TRIM36: variants seen among roughly 807,000 people sequenced by gnomAD.
The protein encoded by TRIM36 is tripartite motif containing 36, also known as E3 ubiquitin-protein ligase TRIM36.
A neutral mutation model predicts 72.4 loss-of-function variants in TRIM36; 42 were observed. The ratio of observed to expected loss-of-function variants is 0.58; its 90% CI spans 0.45 to 0.75. The LOEUF is 0.75. TRIM36 is among the 30% of genes least tolerant of loss of function. TRIM36 has a pLI of 0.00. For missense variants in TRIM36, 913 were observed against 857.1 expected (o/e 1.07, Z -0.81); for synonymous variants, 315 against 282.8 (o/e 1.11, Z -1.14).
chr5:115,154,533 G>T (rs548329536), intron 2 of TRIM36, among the ~76,000 whole-genome samples: 1 of 152,176 alleles, frequency 6.6e-6, no homozygotes, highest in Non-Finnish European at 1.5e-5. Flanking sequence ...AAATACAAAA[G>T]ATCATTCAAG....
At chr5:115,163,792 G>T in intron 1 of TRIM36, 40 bp from the exon 2 acceptor site, 2 of 1,482,598 alleles carry the variant, frequency 1.3e-6, no homozygotes, top group East Asian at 2.3e-5. Context: ...CTCTTAGTGG[G>T]TAAATATATT....
chr5:115,153,514 T>C lies in TRIM36; in HGVS notation c.263-6120A>G, dbSNP rs114269929. On this transcript the variant is annotated intron_variant, in intron 2 of 9. Coordinates refer to ENST00000513154, the MANE Select transcript of TRIM36 (RefSeq NM_001300759.2). The stretch of plus-strand genomic sequence containing the variant: ...AAGCCAACAAAGAAACAATGAATTT[T>C]TTTTTCTTTGAGATGGAGTCATGCT... Among the ~76,000 whole-genome samples, 190 of 152,248 alleles carry C rather than the reference T, an allele frequency of 1.2e-3. 1 individual carries two copies. Among genetic ancestry groups the C allele is most frequent in the African/African-American group, 4.4e-3 (182 of 41,554 alleles).
intron 3 of TRIM36, among the ~76,000 whole-genome samples, chr5:115,146,449 A>G (rs1253704678): frequency 6.6e-6 from 1 of 152,226 alleles, no homozygotes; most frequent in East Asian, 1.9e-4. Context: ...AGAAGGGAAG[A>G]TATCAAAAGA....
At chr5:115,167,438 T>C (rs1754845115) in intron 1 of TRIM36, among the ~76,000 whole-genome samples, 1 of 152,244 alleles carries the variant, frequency 6.6e-6, no homozygotes, top group African/African-American at 2.4e-5. Flanking sequence ...TTCTACTCCA[T>C]GGTAAGGCTG....
chr5:115,130,490 C>G (rs553223198), intron 9 of TRIM36, 102 bp downstream of exon 9: 3 of 1,346,950 alleles, frequency 2.2e-6, no homozygotes, highest in Non-Finnish European at 3.0e-6. Flanking sequence ...ATACTAGAAT[C>G]TAAGAAATAA....
chr5:115,162,986 T>G (rs1460502027), intron 2 of TRIM36, among the ~76,000 whole-genome samples: 2 of 151,892 alleles, frequency 1.3e-5, no homozygotes, highest in Non-Finnish European at 2.9e-5. Flanking sequence ...AGACAGAGTT[T>G]CACTCTTGTT....
intron 1 of TRIM36, among the ~76,000 whole-genome samples, chr5:115,176,815 A>C (rs1755361569): frequency 6.6e-6 from 1 of 152,232 alleles, no homozygotes; most frequent in South Asian, 2.1e-4. Context: ...TTAGCTGCAA[A>C]AGAAGCGAAA....
At chr5:115,166,237 AG>A in intron 1 of TRIM36, among the ~76,000 whole-genome samples, 1 of 152,182 alleles carries the variant, frequency 6.6e-6, no homozygotes, top group South Asian at 2.1e-4. Context: ...TGAATTTTCC[AG>A]GCCCACCCAT....
chr5:115,173,521 A>G (rs1755207641), upstream of TRIM36, among the ~76,000 whole-genome samples: 1 of 141,902 alleles, frequency 7.0e-6, no homozygotes, highest in African/African-American at 3.0e-5. Flanking sequence ...TGTGTATTTG[A>G]ATGTGTGTGT....
chr5:115,143,723 C>T (rs1454369751), intron 4 of TRIM36, among the ~76,000 whole-genome samples: 1 of 151,970 alleles, frequency 6.6e-6, no homozygotes, highest in Admixed American at 6.6e-5. Flanking sequence ...GTAGTAGGTA[C>T]ATAGATGATT....
chr5:115,169,842 T>A lies in TRIM36; in HGVS notation c.-208A>T. The A allele has an allele frequency of 1.5e-6, 2 of 1,313,262 alleles. No individual in the cohort carries two copies. Among genetic ancestry groups the A allele is most frequent in the Non-Finnish European group, 1.9e-6 (2 of 1,029,192 alleles). 81.4% of individuals were successfully genotyped at this position (1,313,262 alleles called of 1,614,324 possible). On this transcript the variant is annotated 5_prime_UTR_variant, in exon 1 of 10. Coordinates refer to ENST00000513154, the MANE Select transcript of TRIM36 (RefSeq NM_001300759.2). ...GCACAGGCGCGGGAGAAGCGAGCTT[T>A]GCTCCCAGCGACTACCCCGGGAATC...
intron 9 of TRIM36, among the ~76,000 whole-genome samples, chr5:115,129,506 C>T (rs895250949): frequency 5.9e-5 from 9 of 152,064 alleles, no homozygotes; most frequent in Admixed American, 3.3e-4. Context: ...TGCGGTGAGC[C>T]AAGATCGCGC....
chr5:115,135,036 C>G (rs918709242), intron 7 of TRIM36, among the ~76,000 whole-genome samples: 14 of 148,116 alleles, frequency 9.5e-5, no homozygotes, highest in Non-Finnish European at 1.4e-4. Context: ...TATTTTCCCC[C>G]TCAATGGTAT....
intron 2 of TRIM36, 69 bp downstream of exon 2, chr5:115,163,449 A>G: frequency 7.5e-7 from 1 of 1,337,390 alleles, no homozygotes; most frequent in Non-Finnish European, 1.1e-6. Flanking sequence ...TTTTCCTTCC[A>G]GTTACCACTG....
chr5:115,164,156 GA>G (rs1754636489), intron 1 of TRIM36, among the ~76,000 whole-genome samples: 1 of 152,082 alleles, frequency 6.6e-6, no homozygotes, highest in South Asian at 2.1e-4. Flanking sequence ...CTTATTTAGT[GA>G]ATTAACACTG....
intron 1 of TRIM36, chr5:115,169,015 T>A (rs1015888605): frequency 6.6e-6 from 1 of 152,280 alleles, no homozygotes; most frequent in African/African-American, 2.4e-5. Context: ...ACAAACTGAT[T>A]AAGTGTGATG....
chr5:115,155,449 C>G (rs1754124450), intron 2 of TRIM36, among the ~76,000 whole-genome samples: 2 of 152,122 alleles, frequency 1.3e-5, no homozygotes, highest in South Asian at 2.1e-4. Flanking sequence ...AACAACATAT[C>G]AAAAAGATAA....
intron 9 of TRIM36, 44 bp downstream of exon 9, chr5:115,130,548 A>G (rs975571659): frequency 6.4e-7 from 1 of 1,551,908 alleles, no homozygotes; most frequent in Non-Finnish European, 8.7e-7. Context: ...TTTCAGGCTT[A>G]CTTTTAAAAA....
At chr5:115,156,882 C>T (rs1475619374) in intron 2 of TRIM36, among the ~76,000 whole-genome samples, 2 of 152,156 alleles carry the variant, frequency 1.3e-5, no homozygotes, top group Admixed American at 6.5e-5. Flanking sequence ...AAACAGACAA[C>T]CCACAGAGTG....
Sources: gnomAD v4.1 joint callset for allele counts (sites outside exome capture counted in the v4.1 genomes callset) on GRCh38, gnomAD v4.1.1 for gene constraint, MANE v1.5 for transcripts, NCBI Gene and HGNC (gene_info 2026-07-23, HGNC 2026-07-21) for gene names.